The following LRRTM4 variants were observed in gnomAD, a reference collection of about 807,000 sequenced individuals.
LRRTM4 encodes leucine rich repeat transmembrane neuronal 4.
LRRTM4 carries 25 observed loss-of-function variants against 47.6 expected under a neutral mutation model. The ratio of observed to expected loss-of-function variants is 0.53; its 90% confidence interval spans 0.38 to 0.73. LRRTM4 has a LOEUF of 0.73. Ranked by LOEUF, LRRTM4 falls within the 30% of genes least tolerant of loss-of-function variation. LRRTM4 has a pLI of 0.00. For synonymous variants in LRRTM4, 311 were observed against 269.5 expected, an observed-to-expected ratio of 1.15 and a Z score of -1.51; for missense variants, 638 against 713.4, an observed-to-expected ratio of 0.89 and a Z score of 1.20.
chr2:77,444,970 C>CACACAT (rs1553445529), intron 3 of LRRTM4, among the ~76,000 whole-genome samples: 1 of 120,492 alleles, frequency 8.3e-6, no homozygotes, highest in African/African-American at 3.3e-5. Flanking sequence ...CACACACACA[C>CACACAT]GATCCGGAAA....
At position 77,268,091 on chromosome 2, in the gene LRRTM4, C is replaced by T. The variant is rs537236119; in HGVS notation, c.1551+250227G>A. 7.2e-5 allele frequency among the ~76,000 whole-genome samples: 11 copies of T among 152,202 alleles called. No individual in the cohort carries two copies. In the South Asian group the frequency reaches 2.3e-3, roughly 32 times the overall value. On this transcript the variant is annotated intron_variant, in intron 3 of 3. Transcript: ENST00000409884. ...ATACTTTACCCTTAGATAATCTGAT[C>T]TATAACCATGACTTCAAATTCCATC...
chr2:76,996,754 A>C (rs1358280533), intron 3 of LRRTM4, among the ~76,000 whole-genome samples: 2 of 151,450 alleles, frequency 1.3e-5, no homozygotes, highest in African/African-American at 4.9e-5. Context: ...TTTCCTCACA[A>C]TCTGCTGAGA....
At chr2:77,497,666 T>G (rs1415425424) in intron 3 of LRRTM4, among the ~76,000 whole-genome samples, 1 of 150,984 alleles carries the variant, frequency 6.6e-6, no homozygotes, top group East Asian at 1.9e-4. Flanking sequence ...TATATCTGTG[T>G]ATATATGGAT....
At chr2:77,265,312 T>A (rs190139208) in intron 3 of LRRTM4, among the ~76,000 whole-genome samples, 2 of 152,202 alleles carry the variant, frequency 1.3e-5, no homozygotes, top group East Asian at 3.9e-4. Context: ...AATACAACAG[T>A]GTTGATAGGT....
At chr2:77,483,406 T>C (rs1038899696) in intron 3 of LRRTM4, among the ~76,000 whole-genome samples, 1 of 152,052 alleles carries the variant, frequency 6.6e-6, no homozygotes, top group Admixed American at 6.5e-5. Context: ...AATGGTATGA[T>C]CTCTGCTCAC....
At chr2:77,041,499 T>C (rs921753901) in intron 3 of LRRTM4, among the ~76,000 whole-genome samples, 2 of 151,450 alleles carry the variant, frequency 1.3e-5, no homozygotes, top group African/African-American at 2.4e-5. Context: ...TGGTTTTCCA[T>C]AGTGGCTGTA....
intron 3 of LRRTM4, among the ~76,000 whole-genome samples, chr2:77,125,581 C>A (rs1384202505): frequency 1.3e-5 from 2 of 152,082 alleles, no homozygotes; most frequent in African/African-American, 2.4e-5. Flanking sequence ...ATAAGTTTAC[C>A]ATTTTTAAGA....
At chr2:76,843,563 AC>A (rs1671750128) in intron 3 of LRRTM4, among the ~76,000 whole-genome samples, 1 of 152,232 alleles carries the variant, frequency 6.6e-6, no homozygotes, top group Non-Finnish European at 1.5e-5. Flanking sequence ...TTTCATAATA[AC>A]AATAAATTAT....
rs144903878 is a variant in LRRTM4, at chr2:76,849,599, C to T, written c.1552-100683G>A. Among the ~76,000 whole-genome samples, 9 of 152,056 alleles carry T rather than the reference C, an allele frequency of 5.9e-5. No individual in the cohort carries two copies. In the East Asian group the frequency reaches 1.7e-3, roughly 29 times the overall value. On this transcript the variant is annotated intron_variant, in intron 3 of 3. Coordinates refer to ENST00000409884, the MANE Select transcript of LRRTM4 (RefSeq NM_001134745.3). ...TCTGTAAAAGGCGACTTAAAACAAT[C>T]TAGTTTGCTTAATAAAAAAACAACT...
intron 3 of LRRTM4, among the ~76,000 whole-genome samples, chr2:77,260,784 T>A (rs1381629440): frequency 1.3e-5 from 2 of 151,940 alleles, no homozygotes; most frequent in Non-Finnish European, 2.9e-5. Context: ...AAGAGAACAA[T>A]CTCCTTATGA....
At chr2:77,010,161 T>C (rs1239248032) in intron 3 of LRRTM4, among the ~76,000 whole-genome samples, 1 of 152,034 alleles carries the variant, frequency 6.6e-6, no homozygotes, top group African/African-American at 2.4e-5. Context: ...AAATTTACTC[T>C]CTAAGCAATT....
intron 3 of LRRTM4, among the ~76,000 whole-genome samples, chr2:77,068,812 A>T (rs1209750230): frequency 1.3e-5 from 2 of 152,212 alleles, no homozygotes; most frequent in Non-Finnish European, 2.9e-5. Flanking sequence ...GCACTGTAAC[A>T]TGTTCATGAT....
chr2:77,222,075 T>C (rs1470343656), intron 3 of LRRTM4, among the ~76,000 whole-genome samples: 3 of 152,076 alleles, frequency 2.0e-5, no homozygotes, highest in Non-Finnish European at 4.4e-5. Flanking sequence ...CTCAACTACA[T>C]GGAAACAGAA....
intron 3 of LRRTM4, among the ~76,000 whole-genome samples, chr2:77,374,843 C>T (rs547745902): frequency 6.6e-6 from 1 of 151,742 alleles, no homozygotes; most frequent in East Asian, 1.9e-4. Context: ...AAGTGAAAAA[C>T]TCTCTCATCT....
chr2:76,889,157 T>A (rs114434617), intron 3 of LRRTM4, among the ~76,000 whole-genome samples: 1 of 151,930 alleles, frequency 6.6e-6, no homozygotes, highest in Admixed American at 6.6e-5. Context: ...GATTTGATTT[T>A]GCACTTGATT....
rs550938402 is a variant in LRRTM4, at chr2:76,961,109, C to T, written c.1552-212193G>A. Among the ~76,000 whole-genome samples, 11 of 151,424 alleles carry T rather than the reference C, an allele frequency of 7.3e-5. No homozygotes were observed. The South Asian group carries it at 1.2e-3, about 17-fold the overall frequency. ...CTACTTTCATTTTTATTTATTACAACGACAGGTTAAATCATTTCCCCTTAT... is the reference window on the plus strand; with the variant it reads ...CTACTTTCATTTTTATTTATTACAATGACAGGTTAAATCATTTCCCCTTAT... On this transcript the variant is annotated intron_variant, in intron 3 of 3. Coordinates refer to ENST00000409884, the MANE Select transcript of LRRTM4 (RefSeq NM_001134745.3).
At chr2:76,772,853 A>C (rs1673771577) in intron 3 of LRRTM4, 1 of 152,230 alleles carries the variant, frequency 6.6e-6, no homozygotes, top group Non-Finnish European at 1.5e-5. Context: ...TTTATAAATT[A>C]AACTTTATCA....
intron 3 of LRRTM4, among the ~76,000 whole-genome samples, chr2:77,022,860 G>C (rs1269958357): frequency 1.3e-5 from 2 of 152,266 alleles, no homozygotes; most frequent in South Asian, 4.1e-4. Context: ...GCTGTAGTTG[G>C]ATCTACGATT....
intron 3 of LRRTM4, among the ~76,000 whole-genome samples, chr2:77,168,430 A>G (rs1489026357): frequency 2.0e-5 from 3 of 152,026 alleles, no homozygotes; most frequent in Admixed American, 1.3e-4. Flanking sequence ...TCTTATTTAT[A>G]CATAATAATT....
Sources: allele counts gnomAD v4.1 joint callset (sites outside exome capture counted in the v4.1 genomes callset), GRCh38; gene constraint gnomAD v4.1.1; transcripts MANE v1.5; gene names NCBI Gene and HGNC (gene_info 2026-07-23, HGNC 2026-07-21).